The following MME variants were observed in gnomAD, a reference collection of about 807,000 sequenced individuals.
MME encodes the protein membrane metalloendopeptidase, also known as neprilysin.
Under a neutral mutation model 113.2 loss-of-function variants are expected in MME, and 98 were observed. The ratio of observed to expected loss-of-function variants is 0.87; its 90% CI spans 0.74 to 1.02. The LOEUF is 1.02. Ranked by LOEUF, MME falls within the 50% of genes least tolerant of loss-of-function variation. The pLI, the probability that MME is intolerant of heterozygous loss-of-function variation, is 0.00. For synonymous variants in MME, 292 were observed against 300.6 expected, an observed-to-expected ratio of 0.97 and a Z score of 0.30; for missense variants, 836 against 896.0, an observed-to-expected ratio of 0.93 and a Z score of 0.86.
chr3:155,066,140 C>T (rs991753654), intron 1 of MME, among the ~76,000 whole-genome samples: 2 of 152,074 alleles, frequency 1.3e-5, no homozygotes, highest in Non-Finnish European at 2.9e-5. Flanking sequence ...CTACAGTCCA[C>T]AAATTAATTT....
At chr3:155,086,923 G>C (rs988982332) in intron 3 of MME, among the ~76,000 whole-genome samples, 1 of 152,066 alleles carries the variant, frequency 6.6e-6, no homozygotes, top group Non-Finnish European at 1.5e-5. Flanking sequence ...TCCTGCCTGA[G>C]CCTCCTGAGT....
chr3:155,048,772 T>G (rs1313314974), intron 1 of MME, among the ~76,000 whole-genome samples: 1 of 152,132 alleles, frequency 6.6e-6, no homozygotes, highest in East Asian at 1.9e-4. Context: ...AAAATACTCA[T>G]TATTTTGTCT....
chr3:155,073,127 C>A (rs1251339699), intron 1 of MME, among the ~76,000 whole-genome samples: 1 of 152,116 alleles, frequency 6.6e-6, no homozygotes. Flanking sequence ...AAAAGTCAAC[C>A]GAAGGTGCAT....
At chr3:155,055,265 C>A (rs1378846758) in intron 1 of MME, among the ~76,000 whole-genome samples, 2 of 152,160 alleles carry the variant, frequency 1.3e-5, no homozygotes, top group Non-Finnish European at 2.9e-5. Flanking sequence ...TATGCTAAAT[C>A]TCACAAACAT....
In MME at chr3:155,056,708, G is replaced by A. The variant is rs555825390; in HGVS notation, c.-10-27450G>A. Among the ~76,000 whole-genome samples the A allele has an allele frequency of 2.0e-5, 3 of 152,136 alleles. No homozygotes were observed. In the South Asian group the frequency reaches 6.2e-4, roughly 32 times the overall value. ...GGATATACCCAGTAATGGGATGGCT[G>A]GGTCAAATGGTATTTCTAGTTCTAG... is the stretch of plus-strand genomic sequence containing the variant. On this transcript the variant is annotated intron_variant, in intron 1 of 22. Transcript: ENST00000492661.
At chr3:155,178,051 A>G (rs3773873) in intron 22 of MME, among the ~76,000 whole-genome samples, 3,275 of 152,256 alleles carry the variant, frequency 0.022, 73 homozygotes, top group East Asian at 0.13. Flanking sequence ...GGCCTTGCTC[A>G]GAGCAGGAAG....
At chr3:155,119,579 C>T (rs1718938005) in intron 8 of MME, among the ~76,000 whole-genome samples, 1 of 120,508 alleles carries the variant, frequency 8.3e-6, no homozygotes, top group Non-Finnish European at 1.7e-5. Context: ...CCCCCCACCC[C>T]ACCACAGTCC....
intron 16 of MME, among the ~76,000 whole-genome samples, chr3:155,160,129 G>A (rs1009315536): frequency 2.6e-5 from 4 of 151,932 alleles, no homozygotes; most frequent in Non-Finnish European, 5.9e-5. Flanking sequence ...ATTTTAATAG[G>A]TTTTGCAACA....
Position 155,172,541 on chromosome 3 carries a change from G to C in MME, c.2082G>C (p.Trp694Cys). 1 of 1,610,706 alleles carries C rather than the reference G, an allele frequency of 6.2e-7. No homozygotes were observed. Among genetic ancestry groups the C allele is most frequent in the South Asian group, 1.1e-5 (1 of 91,014 alleles). ...TTTCCTATTCCTATCTCTAGGTGTGGTGTGGAACCTATAGGCCAGAGTATG... is the reference window on the plus strand; with the variant it reads ...TTTCCTATTCCTATCTCTAGGTGTGCTGTGGAACCTATAGGCCAGAGTATG... ...QLFFLNFAQV[W>C]CGTYRPEYAV... The change falls in exon 22 of 23, where the codon TGG becomes TGC. Residue 694 changes from tryptophan to cysteine, a missense_variant. Trp to Cys is a radical substitution (Grantham distance 215). Coordinates refer to ENST00000360490, the MANE Select transcript of MME (RefSeq NM_007289.4).
In MME at chr3:155,136,045, A is replaced by C. The variant is rs564120629; in HGVS notation, c.721-2057A>C. Among the ~76,000 whole-genome samples the C allele has an allele frequency of 2.0e-5, 3 of 152,318 alleles. No homozygotes were observed. The South Asian group carries it at 6.2e-4, about 32-fold the overall frequency. ...ATGAGTTCCAGGAGCCCTTTGGCAG[A>C]GTCTTCAGGATTTTCTAGGTATAGA... On this transcript the variant is annotated intron_variant, in intron 8 of 22. Transcript: ENST00000360490.
chr3:155,062,046 C>G (rs186844261), intron 1 of MME, among the ~76,000 whole-genome samples: 1 of 152,184 alleles, frequency 6.6e-6, no homozygotes, highest in Admixed American at 6.5e-5. Flanking sequence ...TTCTCCTTTC[C>G]AAACCCTTTA....
At chr3:155,165,627 A>G (rs1723037482) in intron 17 of MME, among the ~76,000 whole-genome samples, 1 of 152,164 alleles carries the variant, frequency 6.6e-6, no homozygotes, top group African/African-American at 2.4e-5. Context: ...TAGATTTAGA[A>G]TAGATTGTAG....
At chr3:155,131,216 G>T (rs990934230) in intron 8 of MME, among the ~76,000 whole-genome samples, 8 of 152,298 alleles carry the variant, frequency 5.3e-5, no homozygotes, top group Middle Eastern at 3.4e-3. Context: ...GACTCAGATG[G>T]CAGCAAGTCA....
intron 1 of MME, among the ~76,000 whole-genome samples, chr3:155,028,117 A>AT (rs1447811827): frequency 2.0e-5 from 3 of 152,178 alleles, no homozygotes; most frequent in Non-Finnish European, 4.4e-5. Context: ...TTTGATGCCT[A>AT]TTATCATGCA....
chr3:155,160,268 T>C, intron 16 of MME, 122 bp from the exon 17 acceptor site: 5 of 753,964 alleles, frequency 6.6e-6, no homozygotes, highest in Non-Finnish European at 9.6e-6. Flanking sequence ...TTTAATTTGT[T>C]GATCATGTTT....
rs201046929 is a variant in MME, at chr3:155,147,254, A to C, written c.1497+30A>C. 47 of 1,343,324 alleles carry C rather than the reference A, an allele frequency of 3.5e-5. No individual in the cohort carries two copies. In the South Asian group the frequency reaches 4.8e-4, roughly 14 times the overall value. 83.2% of individuals were successfully genotyped at this position (1,343,324 alleles called of 1,614,324 possible). On this transcript the variant is annotated intron_variant, in intron 15 of 22. Transcript: ENST00000360490. The stretch of plus-strand genomic sequence containing the variant: ...GTCTCTATAAAATAGACTCTGGACT[A>C]CTGATACTTAGGGCTGGTAGTAGTG...
chr3:155,061,212 G>C (rs1398998165), intron 1 of MME, among the ~76,000 whole-genome samples: 1 of 152,116 alleles, frequency 6.6e-6, no homozygotes, highest in African/African-American at 2.4e-5. Flanking sequence ...CAGCACTTTG[G>C]GAGGCCGAGG....
At chr3:155,132,227 A>G (rs1267119791) in intron 8 of MME, among the ~76,000 whole-genome samples, 6 of 152,238 alleles carry the variant, frequency 3.9e-5, no homozygotes, top group Non-Finnish European at 7.3e-5. Flanking sequence ...AGTTTGAAGG[A>G]CAGTAGTCAA....
Position 155,118,752 on chromosome 3 carries a change from C to G in MME, c.661C>G (p.Gln221Glu), listed in dbSNP as rs879253751. Residue 221 changes from glutamine to glutamate, a missense_variant, in exon 8 of 23, where the codon CAA becomes GAA. Gln to Glu is a conservative substitution (Grantham distance 29, BLOSUM62 2). Coordinates refer to ENST00000360490, the MANE Select transcript of MME (RefSeq NM_007289.4). Reference sequence around the variant, plus strand: ...TTATGTATATTTTTTATAGATTGACCAACCTCGACTTGGCCTCCCTTCTAG... The same window carrying G: ...TTATGTATATTTTTTATAGATTGACGAACCTCGACTTGGCCTCCCTTCTAG... The part of the protein sequence containing the change: ...NSVNHVIHID[Q>E]PRLGLPSRDY... The G allele has an allele frequency of 6.3e-7, 1 of 1,591,720 alleles. No homozygotes were observed. The highest frequency in any genetic ancestry group is 1.7e-5 in the Admixed American group (1 of 59,532).
Sources: gnomAD v4.1 joint callset for allele counts (sites outside exome capture counted in the v4.1 genomes callset) on GRCh38, gnomAD v4.1.1 for gene constraint, MANE v1.5 for transcripts, NCBI Gene and HGNC (gene_info 2026-07-23, HGNC 2026-07-21) for gene names.